SPEF2: variants seen among roughly 807,000 people sequenced by gnomAD.
The protein encoded by SPEF2 is sperm flagella and cilia-associated protein 2.
In SPEF2, 187 loss-of-function variants were observed where a neutral mutation model predicts 224.6. The observed-to-expected ratio is 0.83, with a 90% CI of 0.74 to 0.94. The LOEUF (loss-of-function observed/expected upper bound fraction) is 0.94. Among genes scored for constraint, SPEF2 ranks in the 40% least tolerant of loss-of-function variants. SPEF2 has a pLI of 0.00. For synonymous variants in SPEF2, 715 were observed against 707.3 expected, an observed-to-expected ratio of 1.01 and a Z score of -0.17; for missense variants, 2,170 against 2,135.6, an observed-to-expected ratio of 1.02 and a Z score of -0.32.
chr5:35,742,004 T>G (rs1185124520), intron 23 of SPEF2, among the ~76,000 whole-genome samples: 1 of 152,200 alleles, frequency 6.6e-6, no homozygotes, highest in Non-Finnish European at 1.5e-5. Flanking sequence ...AATTAGATAA[T>G]AAGAAGCAAA....
chr5:35,684,058 A>G (rs1455249640), intron 10 of SPEF2: 4 of 152,130 alleles, frequency 2.6e-5, no homozygotes, highest in Admixed American at 2.6e-4. Context: ...AGAGTAAATA[A>G]TATATGTTTT....
At chr5:35,680,892 T>A (rs1179452656) in intron 10 of SPEF2, among the ~76,000 whole-genome samples, 1 of 152,220 alleles carries the variant, frequency 6.6e-6, no homozygotes, top group Non-Finnish European at 1.5e-5. Flanking sequence ...ACTTCCAGCA[T>A]CCAGACTTTT....
In SPEF2 at chr5:35,802,228, C is replaced by G. The variant is rs564905534; in HGVS notation, c.5010+2081C>G. 7.2e-5 allele frequency among the ~76,000 whole-genome samples: 11 copies of G among 152,234 alleles called. No individual in the cohort carries two copies. The East Asian group carries it at 1.9e-3, about 27-fold the overall frequency. On this transcript the variant is annotated intron_variant, in intron 34 of 36. Transcript: ENST00000356031. ...TCTCATCTCAAAGGATCCGAGGCCTCCCCATTATCCAAGGCCTACAACAAT... is the reference window on the plus strand; with the variant it reads ...TCTCATCTCAAAGGATCCGAGGCCTGCCCATTATCCAAGGCCTACAACAAT...
intron 16 of SPEF2, chr5:35,702,327 A>T: frequency 2.2e-6 from 1 of 456,172 alleles, no homozygotes; most frequent in South Asian, 1.5e-5. Flanking sequence ...GAGGTAAATG[A>T]TCCAGACTCA....
chr5:35,715,816 C>CCTTT (rs70973054), intron 20 of SPEF2, among the ~76,000 whole-genome samples: 2,247 of 117,774 alleles, frequency 0.019, 199 homozygotes, highest in African/African-American at 0.065. Flanking sequence ...GATATAATTT[C>CCTTT]TTTTTTTTTT....
In SPEF2 at chr5:35,692,687, C is replaced by T. The variant is rs1754699375; in HGVS notation, c.1862C>T (p.Ala621Val). 13 of 1,613,826 alleles carry T rather than the reference C, an allele frequency of 8.1e-6. No homozygotes were observed. Among genetic ancestry groups the T allele is most frequent in the Non-Finnish European group, 1.1e-5 (13 of 1,179,904 alleles). ...LPIQKNDEEDALPVLQEEIKE... is the reference protein window; with the variant it reads ...LPIQKNDEEDVLPVLQEEIKE... ...ATTCAGAAAAATGATGAAGAAGATG[C>T]TCTACCAGTTCTGCAAGAGGAGATT... Residue 621 changes from alanine to valine, a missense_variant, in exon 12 of 37, where the codon GCT becomes GTT. Physicochemically the swap from Ala to Val is moderately conservative, Grantham distance 64. Coordinates refer to ENST00000356031, the MANE Select transcript of SPEF2 (RefSeq NM_024867.4).
chr5:35,767,936 C>T (rs1443440463), intron 26 of SPEF2, among the ~76,000 whole-genome samples: 1 of 151,962 alleles, frequency 6.6e-6, no homozygotes, highest in Non-Finnish European at 1.5e-5. Context: ...TTAACTGTCT[C>T]TTTCCTGAAG....
At chr5:35,788,202 T>G (rs1192772164) in intron 30 of SPEF2, 1 of 702,926 alleles carries the variant, frequency 1.4e-6, no homozygotes, top group Admixed American at 2.0e-5. Context: ...ACCACCAAAC[T>G]AATGATGAGG....
rs1579979313 is a variant in SPEF2, at chr5:35,617,867, C to G, written c.-131C>G. 1.2e-5 allele frequency: 10 copies of G among 857,342 alleles called. No individual in the cohort carries two copies. In the East Asian group the frequency reaches 2.6e-4, roughly 23 times the overall value. 53.1% of individuals were successfully genotyped at this position (857,342 alleles called of 1,614,324 possible). On this transcript the variant is annotated 5_prime_UTR_variant, in exon 1 of 37. Transcript: ENST00000356031. ...GCGTCCCCTCTTCTCTAAGGCCTTT[C>G]GCCTAGTTCCAGCCTGGATACGCTT...
intron 10 of SPEF2, among the ~76,000 whole-genome samples, chr5:35,685,157 G>A (rs1318759946): frequency 6.6e-6 from 1 of 151,810 alleles, no homozygotes; most frequent in African/African-American, 2.4e-5. Flanking sequence ...ATAAATACAG[G>A]GTAGTATGTA....
intron 26 of SPEF2, among the ~76,000 whole-genome samples, chr5:35,770,678 G>C (rs1752710011): frequency 6.6e-6 from 1 of 152,112 alleles, no homozygotes; most frequent in African/African-American, 2.4e-5. Context: ...TGTTGTCATG[G>C]GACAAGGTTT....
chr5:35,618,214 C>T (rs991375060), intron 1 of SPEF2, among the ~76,000 whole-genome samples, 159 bp downstream of exon 1: 1 of 152,182 alleles, frequency 6.6e-6, no homozygotes, highest in Non-Finnish European at 1.5e-5. Flanking sequence ...CAACTCGGCT[C>T]GGCGGTGCCC....
At chr5:35,694,199 C>A in intron 12 of SPEF2, 89 bp from the exon 13 acceptor site, 1 of 985,964 alleles carries the variant, frequency 1.0e-6, no homozygotes, top group Non-Finnish European at 1.5e-6. Context: ...TATTTGTTCT[C>A]AAACCTTTAC....
intron 33 of SPEF2, among the ~76,000 whole-genome samples, chr5:35,796,979 G>A (rs1404704246): frequency 6.6e-6 from 1 of 152,152 alleles, no homozygotes; most frequent in Non-Finnish European, 1.5e-5. Context: ...TTATCCTGGA[G>A]CGTTTTGGAA....
At chr5:35,749,265 T>C (rs1482277198) in intron 23 of SPEF2, among the ~76,000 whole-genome samples, 1 of 152,116 alleles carries the variant, frequency 6.6e-6, no homozygotes, top group Admixed American at 6.5e-5. Flanking sequence ...GGGGAAAAGT[T>C]GAAAGCATTC....
At chr5:35,753,587 C>T in intron 23 of SPEF2, 37 bp from the exon 24 acceptor site, 7 of 1,612,778 alleles carry the variant, frequency 4.3e-6, no homozygotes, top group Non-Finnish European at 5.9e-6. Flanking sequence ...GAGCAGCAAT[C>T]TAAAGCATAG....
At chr5:35,695,679 T>G in intron 13 of SPEF2, 56 bp from the exon 14 acceptor site, 1 of 1,400,758 alleles carries the variant, frequency 7.1e-7, no homozygotes, top group Non-Finnish European at 1.0e-6. Context: ...AAATACTGCT[T>G]TGGTTGTTAG....
At chr5:35,707,692 A>C (rs1740072382) in intron 18 of SPEF2, among the ~76,000 whole-genome samples, 1 of 152,160 alleles carries the variant, frequency 6.6e-6, no homozygotes, top group Non-Finnish European at 1.5e-5. Flanking sequence ...AAGGGTCATC[A>C]CAATGATGGG....
intron 10 of SPEF2, among the ~76,000 whole-genome samples, chr5:35,690,073 G>A (rs1754224080): frequency 6.6e-6 from 1 of 151,734 alleles, no homozygotes; most frequent in Non-Finnish European, 1.5e-5. Context: ...TGGCTACTTT[G>A]TTTATTTTCC....
Sources: allele counts gnomAD v4.1 joint callset (sites outside exome capture counted in the v4.1 genomes callset), GRCh38; gene constraint gnomAD v4.1.1; transcripts MANE v1.5; gene names NCBI Gene and HGNC (gene_info 2026-07-23, HGNC 2026-07-21).